Variants in MARCHF2 observed in about 807,000 individuals in gnomAD.
MARCHF2 encodes membrane associated ring-CH-type finger 2.
In MARCHF2, 22 loss-of-function variants were observed where a neutral mutation model predicts 24.0. The ratio of observed to expected loss-of-function variants is 0.92; its 90% CI spans 0.66 to 1.31. MARCHF2 has a LOEUF of 1.31. MARCHF2 is among the 50% of genes most tolerant of loss of function. The pLI, the probability that MARCHF2 is intolerant of heterozygous loss-of-function variation, is 0.00. For synonymous variants in MARCHF2, 154 were observed against 153.0 expected (o/e 1.01, Z -0.05); for missense variants, 301 against 335.3 (o/e 0.90, Z 0.80).
In MARCHF2 at chr19:8,430,457, C is replaced by T. The variant is rs983968385; in HGVS notation, c.373-201C>T. 3.9e-5 allele frequency among the ~76,000 whole-genome samples: 6 copies of T among 151,922 alleles called. No homozygotes were observed. The highest frequency in any genetic ancestry group is 8.8e-5 in the Non-Finnish European group (6 of 67,978). On this transcript the variant is annotated intron_variant, in intron 3 of 4. Coordinates refer to ENST00000215555, the MANE Select transcript of MARCHF2 (RefSeq NM_001005415.2). The surrounding 1 kb of genome is among the most constrained non-coding windows in gnomAD (Gnocchi z 4.4). ...GGCTGAGACAGGAGAATTGCTTAAA[C>T]CCAGAAGGTCGAGGTTGCAGTGAGC...
At chr19:8,422,055 C>G in intron 2 of MARCHF2, 39 bp downstream of exon 2, 1 of 1,565,064 alleles carries the variant, frequency 6.4e-7, no homozygotes, top group South Asian at 1.2e-5. Flanking sequence ...CCTTTGTTGC[C>G]TCTTCTCTCT....
intron 1 of MARCHF2, among the ~76,000 whole-genome samples, chr19:8,419,571 C>T (rs1234814628): frequency 6.6e-6 from 1 of 151,114 alleles, no homozygotes; most frequent in African/African-American, 2.4e-5. Flanking sequence ...AATCCCAGCA[C>T]TTTGGGAGGC....
In MARCHF2 at chr19:8,413,356, G is replaced by C. The variant is rs1275495224; in HGVS notation, c.-117G>C. The C allele has an allele frequency of 6.6e-6, 1 of 151,806 alleles. No individual in the cohort carries two copies. The highest frequency in any genetic ancestry group is 1.5e-5 in the Non-Finnish European group (1 of 67,932). 9.4% of individuals were successfully genotyped at this position (151,806 alleles called of 1,614,324 possible). ...CTAGTGGCGCCGACGGGCCGGGCCG[G>C]GCCGGGACCGGGGCCGAGGCGAACC... is the stretch of plus-strand genomic sequence containing the variant. On this transcript the variant is annotated 5_prime_UTR_variant, in exon 1 of 5. Transcript: ENST00000215555.
At chr19:8,432,707 C>T (rs1239158059) in intron 4 of MARCHF2, among the ~76,000 whole-genome samples, 1 of 152,036 alleles carries the variant, frequency 6.6e-6, no homozygotes, top group Non-Finnish European at 1.5e-5. Context: ...AGGAGGATCA[C>T]TTGAGCCCAA....
At chr19:8,415,750 A>AAAAAAAC (rs1967070658) in intron 1 of MARCHF2, among the ~76,000 whole-genome samples, 1 of 146,104 alleles carries the variant, frequency 6.8e-6, no homozygotes, top group Non-Finnish European at 1.5e-5. Flanking sequence ...AAAACAAAAA[A>AAAAAAAC]AAAAACCAGA....
At position 8,421,829 on chromosome 19, in the gene MARCHF2, C is replaced by T; in HGVS notation, c.-12C>T. On this transcript the variant is annotated 5_prime_UTR_variant, in exon 2 of 5. Transcript: ENST00000215555. Reference sequence around the variant, plus strand: ...GGCCTCAGGCCCTGAGGATACGGGGCTCCCGGTGGCCATGACGACGGGTGA... The same window carrying T: ...GGCCTCAGGCCCTGAGGATACGGGGTTCCCGGTGGCCATGACGACGGGTGA... 1.9e-6 allele frequency: 3 copies of T among 1,599,382 alleles called. No homozygotes were observed. The highest frequency in any genetic ancestry group is 2.6e-6 in the Non-Finnish European group (3 of 1,172,496).
Position 8,438,725 on chromosome 19 carries a change from C to G in MARCHF2, c.*179C>G. 1.8e-6 allele frequency: 1 copy of G among 555,454 alleles called. No homozygotes were observed. The highest frequency in any genetic ancestry group is 3.0e-6 in the Non-Finnish European group (1 of 328,664). 34.4% of individuals were successfully genotyped at this position (555,454 alleles called of 1,614,324 possible). On this transcript the variant is annotated 3_prime_UTR_variant, in exon 5 of 5. Transcript: ENST00000215555. Reference sequence around the variant, plus strand: ...CTGTGATCCTGTGTGAAGATATTTTCAGGGTTTTTTTTTTTTTTTTTTTGC... The same window carrying G: ...CTGTGATCCTGTGTGAAGATATTTTGAGGGTTTTTTTTTTTTTTTTTTTGC...
At chr19:8,417,296 G>A (rs780612468) in intron 1 of MARCHF2, among the ~76,000 whole-genome samples, 4 of 152,040 alleles carry the variant, frequency 2.6e-5, no homozygotes, top group Non-Finnish European at 5.9e-5. Context: ...ATACAAAAAC[G>A]AGCTGGGTGT....
chr19:8,419,849 AAAAAATAAAAAT>A (rs1170400417), intron 1 of MARCHF2, among the ~76,000 whole-genome samples: 4 of 143,216 alleles, frequency 2.8e-5, no homozygotes, highest in Admixed American at 7.1e-5. Flanking sequence ...AAATAAAAAT[AAAAAATAAAAAT>A]AAAAATAAAA....
At chr19:8,437,138 C>A (rs576507201) in intron 4 of MARCHF2, among the ~76,000 whole-genome samples, 54 of 152,174 alleles carry the variant, frequency 3.5e-4, no homozygotes, top group African/African-American at 1.1e-3. Flanking sequence ...GGCCACCACA[C>A]CTGGCTAATT....
At chr19:8,436,198 G>C (rs1967717265) in intron 4 of MARCHF2, among the ~76,000 whole-genome samples, 4 of 151,754 alleles carry the variant, frequency 2.6e-5, no homozygotes, top group African/African-American at 9.7e-5. Context: ...GCAGTGGTGC[G>C]ATCTTGGCTC....
Position 8,438,630 on chromosome 19 carries a change from A to C in MARCHF2, c.*84A>C. ...CCTGTGGAAGGACTTCCACTTCAAC[A>C]CTTCCACTTCAACAGTTCCCGCACG... On this transcript the variant is annotated 3_prime_UTR_variant, in exon 5 of 5. Coordinates refer to ENST00000215555, the MANE Select transcript of MARCHF2 (RefSeq NM_001005415.2). 1 of 1,438,124 alleles carries C rather than the reference A, an allele frequency of 7.0e-7. No individual in the cohort carries two copies. The highest frequency in any genetic ancestry group is 9.4e-7 in the Non-Finnish European group (1 of 1,060,020). The allele number at this position is 1,438,124 out of a possible 1,614,324, so 89.1% of individuals were successfully genotyped here. A position where few individuals can be genotyped will look rare whatever the true frequency, so the allele number is the denominator to read the frequency against.
chr19:8,414,466 A>G (rs986921213), intron 1 of MARCHF2, among the ~76,000 whole-genome samples: 176 of 152,190 alleles, frequency 1.2e-3, no homozygotes, highest in African/African-American at 4.1e-3. Context: ...ACGGGGTTTC[A>G]CCATGTTGAC....
rs1042007534 is a variant in MARCHF2 at position 8,430,349 on chromosome 19, C to T, written c.373-309C>T. Among the ~76,000 whole-genome samples, 3 of 150,482 alleles carry T rather than the reference C, an allele frequency of 2.0e-5. No individual in the cohort carries two copies. The highest frequency in any genetic ancestry group is 3.0e-5 in the Non-Finnish European group (2 of 67,722). On this transcript the variant is annotated intron_variant, in intron 3 of 4. Coordinates refer to ENST00000215555, the MANE Select transcript of MARCHF2 (RefSeq NM_001005415.2). This position sits in a 1 kb window ranked among gnomAD's most constrained non-coding sequence, Gnocchi z 4.4. Reference sequence around the variant, plus strand: ...CGGCACTCCAGCCTGGCTGACAGAGCGAGACTCTGTCTCAAAAAATATATA... The same window carrying T: ...CGGCACTCCAGCCTGGCTGACAGAGTGAGACTCTGTCTCAAAAAATATATA...
intron 4 of MARCHF2, among the ~76,000 whole-genome samples, chr19:8,435,310 A>G (rs6603070): frequency 0.92 from 139,897 of 151,868 alleles, 65,526 homozygotes; most frequent in East Asian, 1. Flanking sequence ...GAGCCACCAC[A>G]CTAGGCCATT....
At position 8,438,599 on chromosome 19, in the gene MARCHF2, C is replaced by T. The variant is rs948528857; in HGVS notation, c.*53C>T. The T allele has an allele frequency of 1.9e-6, 3 of 1,578,810 alleles. No homozygotes were observed. The highest frequency in any genetic ancestry group is 2.6e-6 in the Non-Finnish European group (3 of 1,158,850). ...GAGAGGCCAGAGGTAGCTGGTGATA[C>T]CCTGTCCTGTGGAAGGACTTCCACT... On this transcript the variant is annotated 3_prime_UTR_variant, in exon 5 of 5. Coordinates refer to ENST00000215555, the MANE Select transcript of MARCHF2 (RefSeq NM_001005415.2).
intron 2 of MARCHF2, among the ~76,000 whole-genome samples, chr19:8,425,861 TGCCTTG>T (rs1967384722): frequency 6.6e-6 from 1 of 150,518 alleles, no homozygotes; most frequent in Admixed American, 6.6e-5. Context: ...ATGATCCTCC[TGCCTTG>T]GCCTCCCAAA....
rs1175691750 is a variant in MARCHF2 at position 8,422,064 on chromosome 19, C to T, written c.176+48C>T. 10 of 1,550,256 alleles carry T rather than the reference C, an allele frequency of 6.5e-6. No homozygotes were observed. The South Asian group carries it at 1.1e-4, about 17-fold the overall frequency. ...TCCTGGCCTTTGTTGCCTCTTCTCT[C>T]TGGGCGCAGTGAGTTTCTCCCAGCC... On this transcript the variant is annotated intron_variant, in intron 2 of 4. Coordinates refer to ENST00000215555, the MANE Select transcript of MARCHF2 (RefSeq NM_001005415.2).
chr19:8,423,421 CATG>C (rs1394129698), intron 2 of MARCHF2: 1 of 152,004 alleles, frequency 6.6e-6, no homozygotes, highest in Non-Finnish European at 1.5e-5. Context: ...TCCAAACTGA[CATG>C]ATTCTTCCTC....
Sources: gnomAD v4.1 joint callset for allele counts (sites outside exome capture counted in the v4.1 genomes callset) on GRCh38, gnomAD v4.1.1 for gene constraint, Gnocchi (gnomAD v3.1) non-coding constraint, MANE v1.5 for transcripts, NCBI Gene and HGNC (gene_info 2026-07-23, HGNC 2026-07-21) for gene names.